The following NLGN1 variants were observed in gnomAD, a reference collection of about 807,000 sequenced individuals.
The protein encoded by NLGN1 is neuroligin 1, also known as neuroligin-1.
A neutral mutation model predicts 65.5 loss-of-function variants in NLGN1; 12 were observed. That is an observed-to-expected ratio of 0.18 (90% CI 0.12 to 0.30). The LOEUF is 0.30. Ranked by LOEUF, NLGN1 falls within the 10% of genes least tolerant of loss-of-function variation. NLGN1 has a pLI of 1.00. For synonymous variants in NLGN1, 350 were observed against 359.5 expected (o/e 0.97, Z 0.30); for missense variants, 750 against 1,007.1 (o/e 0.74, Z 3.46).
intron 2 of NLGN1, among the ~76,000 whole-genome samples, chr3:173,546,526 G>A (rs1430011686): frequency 6.6e-6 from 1 of 152,108 alleles, no homozygotes; most frequent in Non-Finnish European, 1.5e-5. Flanking sequence ...GTTAAATGAA[G>A]AAAATCTGAG....
At chr3:174,203,035 C>T (rs1440999898) in intron 4 of NLGN1, among the ~76,000 whole-genome samples, 3 of 151,938 alleles carry the variant, frequency 2.0e-5, no homozygotes, top group Non-Finnish European at 4.4e-5. Context: ...GAGGGTAGAG[C>T]GTGTCATTGA....
At chr3:173,765,546 G>A (rs1578325309) in intron 3 of NLGN1, among the ~76,000 whole-genome samples, 1 of 152,240 alleles carries the variant, frequency 6.6e-6, no homozygotes, top group Middle Eastern at 3.4e-3. Flanking sequence ...AGCTTCCTCA[G>A]TAACCTGAGA....
At chr3:173,572,160 C>T (rs553646064) in intron 2 of NLGN1, among the ~76,000 whole-genome samples, 158 of 152,280 alleles carry the variant, frequency 1.0e-3, no homozygotes, top group African/African-American at 3.6e-3. Flanking sequence ...GATCCCTGTT[C>T]TTAACCCAGG....
intron 1 of NLGN1, chr3:173,399,874 G>A (rs1457193210): frequency 6.6e-6 from 1 of 152,092 alleles, no homozygotes; most frequent in East Asian, 1.9e-4. Context: ...ACAACTTTTT[G>A]TGAGACAATA....
intron 1 of NLGN1, among the ~76,000 whole-genome samples, chr3:173,413,136 T>G (rs1712944991): frequency 6.6e-6 from 1 of 151,942 alleles, no homozygotes; most frequent in African/African-American, 2.4e-5. Context: ...TCCTAATCCA[T>G]TTTTGGGGGA....
At chr3:174,116,324 GGTTTTCTT>G (rs1487197252) in intron 4 of NLGN1, among the ~76,000 whole-genome samples, 2 of 102,842 alleles carry the variant, frequency 1.9e-5, no homozygotes, top group Non-Finnish European at 4.1e-5. Context: ...TTTTTTTCTG[GGTTTTCTT>G]TTTTTTTTTT....
chr3:173,589,420 G>A (rs1748059228), intron 2 of NLGN1, among the ~76,000 whole-genome samples: 1 of 152,092 alleles, frequency 6.6e-6, no homozygotes, highest in Non-Finnish European at 1.5e-5. Context: ...GAACTGCATA[G>A]TCAACTTTCC....
chr3:173,619,447 GGAA>G (rs1438333526), intron 3 of NLGN1, among the ~76,000 whole-genome samples: 5 of 152,102 alleles, frequency 3.3e-5, no homozygotes, highest in African/African-American at 7.2e-5. Context: ...GATAAAAACA[GGAA>G]GACTTGGTAC....
intron 4 of NLGN1, among the ~76,000 whole-genome samples, chr3:173,825,968 C>T (rs1721258381): frequency 6.6e-6 from 1 of 151,884 alleles, no homozygotes; most frequent in Non-Finnish European, 1.5e-5. Context: ...AATCGTGGCT[C>T]ATATTCTAGT....
chr3:174,067,788 A>C (rs1314250534), intron 4 of NLGN1, among the ~76,000 whole-genome samples: 1 of 152,204 alleles, frequency 6.6e-6, no homozygotes, highest in Non-Finnish European at 1.5e-5. Context: ...CAACTATTTG[A>C]AGAAAATACT....
At chr3:174,223,804 C>T (rs1339588589) in intron 4 of NLGN1, among the ~76,000 whole-genome samples, 1 of 152,220 alleles carries the variant, frequency 6.6e-6, no homozygotes, top group Non-Finnish European at 1.5e-5. Flanking sequence ...TTGGTGCCTA[C>T]AGTAGCATGA....
chr3:173,568,754 A>G (rs894239493), intron 2 of NLGN1, among the ~76,000 whole-genome samples: 1 of 152,130 alleles, frequency 6.6e-6, no homozygotes, highest in African/African-American at 2.4e-5. Context: ...GCTCGCTGCA[A>G]GCTCCGCCTC....
chr3:173,694,888 T>C (rs1163407684), intron 3 of NLGN1, among the ~76,000 whole-genome samples: 1 of 152,006 alleles, frequency 6.6e-6, no homozygotes, highest in Non-Finnish European at 1.5e-5. Context: ...AGAAGAAAAA[T>C]ATGGCCCACT....
chr3:173,659,933 T>C (rs1760678475), intron 3 of NLGN1, among the ~76,000 whole-genome samples: 1 of 151,982 alleles, frequency 6.6e-6, no homozygotes, highest in Non-Finnish European at 1.5e-5. Flanking sequence ...GCAGGCTAAA[T>C]GTGACTCCTG....
At chr3:173,556,553 G>A (rs1326818759) in intron 2 of NLGN1, among the ~76,000 whole-genome samples, 1 of 152,062 alleles carries the variant, frequency 6.6e-6, no homozygotes, top group East Asian at 1.9e-4. Context: ...AGTGACTTAT[G>A]CCTGTAATCA....
At chr3:173,521,912 T>C (rs2149138791) in intron 2 of NLGN1, among the ~76,000 whole-genome samples, 1 of 152,326 alleles carries the variant, frequency 6.6e-6, no homozygotes, top group East Asian at 1.9e-4. Context: ...TGTTTTTCAA[T>C]ACATTCTATG....
At chr3:174,221,710 A>T (rs946695739) in intron 4 of NLGN1, among the ~76,000 whole-genome samples, 2 of 152,104 alleles carry the variant, frequency 1.3e-5, no homozygotes, top group African/African-American at 4.8e-5. Flanking sequence ...CTGAGGCTAA[A>T]GTCCAATGTA....
At chr3:174,065,032 A>G (rs1366815292) in intron 4 of NLGN1, among the ~76,000 whole-genome samples, 2 of 151,856 alleles carry the variant, frequency 1.3e-5, no homozygotes, top group African/African-American at 4.8e-5. Flanking sequence ...TACAGTATAT[A>G]ATCCTTAAAT....
intron 4 of NLGN1, among the ~76,000 whole-genome samples, chr3:173,971,282 G>A (rs913026080): frequency 3.9e-5 from 6 of 152,092 alleles, no homozygotes; most frequent in Non-Finnish European, 7.4e-5. Context: ...TTGTGATAAT[G>A]CTAGAAAATA....
Sources: gnomAD v4.1 joint callset for allele counts (sites outside exome capture counted in the v4.1 genomes callset) on GRCh38, gnomAD v4.1.1 for gene constraint, MANE v1.5 for transcripts, NCBI Gene and HGNC (gene_info 2026-07-23, HGNC 2026-07-21) for gene names.